LSAMP: variants seen among roughly 807,000 people sequenced by gnomAD.
The protein encoded by LSAMP is limbic system-associated membrane protein.
LSAMP carries 7 observed loss-of-function variants against 38.6 expected under a neutral mutation model. The ratio of observed to expected loss-of-function variants is 0.18; its 90% CI spans 0.10 to 0.34. The LOEUF is 0.34. Ranked by LOEUF, LSAMP falls within the 10% of genes least tolerant of loss-of-function variation. LSAMP has a pLI of 1.00. For synonymous variants in LSAMP, 154 were observed against 166.8 expected (o/e 0.92, Z 0.59); for missense variants, 313 against 420.0 (o/e 0.75, Z 2.23).
intron 1 of LSAMP, among the ~76,000 whole-genome samples, chr3:116,143,117 A>G (rs1000317938): frequency 6.6e-6 from 1 of 151,416 alleles, no homozygotes; most frequent in Non-Finnish European, 1.5e-5. Context: ...ATTGGATAGC[A>G]TTCGTATTCC....
intron 1 of LSAMP, among the ~76,000 whole-genome samples, chr3:116,380,027 T>A (rs1200092234): frequency 6.6e-6 from 1 of 152,038 alleles, no homozygotes; most frequent in African/African-American, 2.4e-5. Flanking sequence ...TGTAATAACA[T>A]GATTTTGCTG....
chr3:115,840,833 G>GA (rs138851246), intron 6 of LSAMP, among the ~76,000 whole-genome samples: 7,623 of 148,272 alleles, frequency 0.051, 619 homozygotes, highest in African/African-American at 0.18. Context: ...AATCTGTGCA[G>GA]AAAAAAAAAA....
chr3:115,874,863 G>A (rs1936140662), intron 3 of LSAMP, among the ~76,000 whole-genome samples: 1 of 151,650 alleles, frequency 6.6e-6, no homozygotes, highest in Non-Finnish European at 1.5e-5. Flanking sequence ...CAAAGGAGAA[G>A]TATTTTCTTC....
chr3:115,948,519 T>C lies in LSAMP; in HGVS notation c.514+70996A>G, dbSNP rs188427798. ...AATATATGGAAATTAAATAATCTACTCCTGAATGATCTTTAAGTCAACAAT... is the reference window on the plus strand; with the variant it reads ...AATATATGGAAATTAAATAATCTACCCCTGAATGATCTTTAAGTCAACAAT... On this transcript the variant is annotated intron_variant, in intron 3 of 6. Coordinates refer to ENST00000490035, the MANE Select transcript of LSAMP (RefSeq NM_002338.5). 2.6e-5 allele frequency among the ~76,000 whole-genome samples: 4 copies of C among 152,284 alleles called. No individual in the cohort carries two copies. The East Asian group carries it at 7.7e-4, about 29-fold the overall frequency.
chr3:116,194,201 G>A (rs978306112), intron 1 of LSAMP, among the ~76,000 whole-genome samples: 18 of 152,106 alleles, frequency 1.2e-4, no homozygotes, highest in Non-Finnish European at 5.9e-5. Flanking sequence ...TATATAGGAA[G>A]CTGAAGATGG....
At chr3:116,121,750 A>G (rs909186423) in intron 1 of LSAMP, among the ~76,000 whole-genome samples, 5 of 152,232 alleles carry the variant, frequency 3.3e-5, no homozygotes, top group African/African-American at 1.2e-4. Flanking sequence ...AGCCAGGTCA[A>G]GACTCAGGTA....
At chr3:115,973,960 T>C (rs1939102290) in intron 3 of LSAMP, among the ~76,000 whole-genome samples, 1 of 152,134 alleles carries the variant, frequency 6.6e-6, no homozygotes, top group South Asian at 2.1e-4. Flanking sequence ...ATACCACTTG[T>C]AAAATAACAA....
chr3:116,130,609 T>C (rs539309425), intron 1 of LSAMP, among the ~76,000 whole-genome samples: 6 of 152,228 alleles, frequency 3.9e-5, no homozygotes, highest in Non-Finnish European at 8.8e-5. Context: ...ATGGGCTTCT[T>C]TTTGATGGTA....
At chr3:116,118,002 C>T (rs1259939757) in intron 1 of LSAMP, among the ~76,000 whole-genome samples, 2 of 151,850 alleles carry the variant, frequency 1.3e-5, no homozygotes, top group South Asian at 2.1e-4. Flanking sequence ...TCTTACAATA[C>T]TCTGTAGAGA....
intron 6 of LSAMP, among the ~76,000 whole-genome samples, chr3:115,836,190 T>C (rs542422015): frequency 6.6e-6 from 1 of 152,268 alleles, no homozygotes; most frequent in South Asian, 2.1e-4. Context: ...CTTCTCAGCT[T>C]GTTATTACCG....
chr3:116,253,599 G>A (rs893637102), intron 1 of LSAMP, among the ~76,000 whole-genome samples: 1 of 152,152 alleles, frequency 6.6e-6, no homozygotes, highest in East Asian at 1.9e-4. Flanking sequence ...ACTCGTTCAC[G>A]TAGCTGGAGC....
intron 2 of LSAMP, among the ~76,000 whole-genome samples, chr3:116,040,193 T>C (rs1234987753): frequency 1.3e-5 from 2 of 152,212 alleles, no homozygotes; most frequent in Non-Finnish European, 2.9e-5. Flanking sequence ...CAAAACACTA[T>C]GATTCTGACC....
rs1349418437 is a variant in LSAMP at position 116,197,029 on chromosome 3, CCATT to C, written c.156-110477_156-110474del. The stretch of plus-strand genomic sequence containing the variant: ...ATTAAATGAAAGGGCAGACTAGAAG[CCATT>C]CAGTGATTCTCTTCCAAATAACAAG... On this transcript the variant is annotated intron_variant, in intron 1 of 6. Transcript: ENST00000490035. Among the ~76,000 whole-genome samples, 6 of 152,146 alleles carry C rather than the reference CCATT, an allele frequency of 3.9e-5. No homozygotes were observed. The East Asian group carries it at 9.7e-4, about 25-fold the overall frequency.
At chr3:116,007,383 T>C (rs1940192562) in intron 3 of LSAMP, among the ~76,000 whole-genome samples, 1 of 152,188 alleles carries the variant, frequency 6.6e-6, no homozygotes. Context: ...AAAGACCCCA[T>C]TTGAATTACC....
At chr3:116,415,572 C>T (rs977631773) in intron 1 of LSAMP, among the ~76,000 whole-genome samples, 3 of 152,076 alleles carry the variant, frequency 2.0e-5, no homozygotes, top group Non-Finnish European at 4.4e-5. Flanking sequence ...AAGAATTACC[C>T]AGATCATCTT....
intron 3 of LSAMP, among the ~76,000 whole-genome samples, chr3:115,863,471 G>A (rs575146912): frequency 6.5e-4 from 99 of 152,070 alleles, no homozygotes; most frequent in Non-Finnish European, 9.1e-4. Flanking sequence ...GAATTGGAAT[G>A]CTTAAAGGAC....
chr3:115,851,752 ATGCAGAGTCAG>A (rs1935336929), intron 4 of LSAMP, among the ~76,000 whole-genome samples: 1 of 152,234 alleles, frequency 6.6e-6, no homozygotes, highest in East Asian at 1.9e-4. Context: ...AATTTGAATG[ATGCAGAGTCAG>A]TGCTAACTGA....
At chr3:116,319,360 C>A (rs1435757464) in intron 1 of LSAMP, among the ~76,000 whole-genome samples, 1 of 152,130 alleles carries the variant, frequency 6.6e-6, no homozygotes, top group Non-Finnish European at 1.5e-5. Context: ...CCCAGATTCC[C>A]CATTCAGTAG....
chr3:116,235,154 ATT>A (rs2046449305), intron 1 of LSAMP, among the ~76,000 whole-genome samples: 5 of 151,148 alleles, frequency 3.3e-5, no homozygotes, highest in African/African-American at 9.7e-5. Context: ...TATTAACTTT[ATT>A]ATTTATTTAT....
Sources: gnomAD v4.1 joint callset for allele counts (sites outside exome capture counted in the v4.1 genomes callset) on GRCh38, gnomAD v4.1.1 for gene constraint, MANE v1.5 for transcripts, NCBI Gene and HGNC (gene_info 2026-07-23, HGNC 2026-07-21) for gene names.